Variants in GRIN2B observed in about 807,000 individuals in gnomAD.
The protein encoded by GRIN2B is glutamate receptor ionotropic, NMDA 2B.
Under a neutral mutation model 114.5 loss-of-function variants are expected in GRIN2B, and 5 were observed. The ratio of observed to expected loss-of-function variants is 0.04; its 90% CI spans 0.02 to 0.09. The LOEUF (loss-of-function observed/expected upper bound fraction) is 0.09, where lower values mean the gene tolerates loss of function less well. Among genes scored for constraint, GRIN2B ranks in the 10% least tolerant of loss-of-function variants. GRIN2B has a pLI of 1.00. For synonymous variants in GRIN2B, 787 were observed against 745.1 expected, an observed-to-expected ratio of 1.06 and a Z score of -0.92; for missense variants, 1,108 against 1,943.5, an observed-to-expected ratio of 0.57 and a Z score of 8.08.
At chr12:13,613,643 A>T (rs4764019) in intron 8 of GRIN2B, among the ~76,000 whole-genome samples, 7 of 152,072 alleles carry the variant, frequency 4.6e-5, no homozygotes, top group South Asian at 2.1e-4. Flanking sequence ...TTTTAATCCT[A>T]GAGCTGCCAG....
chr12:13,811,318 T>G (rs930905988), intron 3 of GRIN2B, among the ~76,000 whole-genome samples: 1 of 151,880 alleles, frequency 6.6e-6, no homozygotes. Context: ...CAGGTTTTGG[T>G]TTTTTTTGGT....
At chr12:13,874,376 G>C (rs751099026) in intron 2 of GRIN2B, among the ~76,000 whole-genome samples, 1 of 152,138 alleles carries the variant, frequency 6.6e-6, no homozygotes, top group Non-Finnish European at 1.5e-5. Context: ...ACTAATAAAG[G>C]ATTATAAATC....
intron 4 of GRIN2B, among the ~76,000 whole-genome samples, chr12:13,740,839 G>C (rs1006469343): frequency 5.9e-5 from 9 of 152,128 alleles, no homozygotes; most frequent in Non-Finnish European, 1.3e-4. Context: ...ATTAGGAAAA[G>C]GGAGGTATCA....
chr12:13,746,473 C>G (rs1254936476), intron 4 of GRIN2B, among the ~76,000 whole-genome samples: 1 of 152,132 alleles, frequency 6.6e-6, no homozygotes, highest in South Asian at 2.1e-4. Flanking sequence ...CTATTCCTTC[C>G]CATAGACCAT....
chr12:13,680,436 TTGTGTG>T (rs56755720), intron 4 of GRIN2B, among the ~76,000 whole-genome samples: 3,825 of 123,450 alleles, frequency 0.031, 72 homozygotes, highest in African/African-American at 0.051. Flanking sequence ...CCCATCAAGG[TTGTGTG>T]TGTGTGTGTG....
At chr12:13,886,669 C>T (rs1591603095) in intron 2 of GRIN2B, among the ~76,000 whole-genome samples, 1 of 152,158 alleles carries the variant, frequency 6.6e-6, no homozygotes, top group Admixed American at 6.5e-5. Flanking sequence ...CTGGTTCCTG[C>T]AGCCTGCCCA....
At chr12:13,681,359 G>C (rs756173283) in intron 4 of GRIN2B, among the ~76,000 whole-genome samples, 71 of 152,242 alleles carry the variant, frequency 4.7e-4, no homozygotes, top group Non-Finnish European at 8.5e-4. Flanking sequence ...CTAACCCCTA[G>C]TCCGGTGTTC....
intron 4 of GRIN2B, among the ~76,000 whole-genome samples, chr12:13,725,593 T>C (rs1310084400): frequency 6.6e-6 from 1 of 152,124 alleles, no homozygotes; most frequent in Non-Finnish European, 1.5e-5. Context: ...GCAGATCGGA[T>C]ACACAGACTC....
At chr12:13,821,157 C>T (rs1864927905) in intron 3 of GRIN2B, among the ~76,000 whole-genome samples, 2 of 152,038 alleles carry the variant, frequency 1.3e-5, no homozygotes. Flanking sequence ...TCTCTCTTCC[C>T]GCTCTGTCCC....
chr12:13,690,040 CTTT>C lies in GRIN2B; in HGVS notation c.1011-14184_1011-14182del, dbSNP rs539942471. On this transcript the variant is annotated intron_variant, in intron 4 of 13. Transcript: ENST00000609686. ...TTGTTCACTTGACTTGTTCTGTTCC[CTTT>C]TATTACTTAATTTTTTACTTGTCTG... Among the ~76,000 whole-genome samples, 315 of 152,166 alleles carry C rather than the reference CTTT, an allele frequency of 2.1e-3. 1 individual carries two copies. The highest frequency in any genetic ancestry group is 7.2e-3 in the African/African-American group (299 of 41,536).
At chr12:13,686,021 G>A (rs1950172011) in intron 4 of GRIN2B, among the ~76,000 whole-genome samples, 1 of 152,094 alleles carries the variant, frequency 6.6e-6, no homozygotes, top group Non-Finnish European at 1.5e-5. Flanking sequence ...AGCCAAATGT[G>A]TACATAATCA....
chr12:13,954,823 A>AAAAAAAAAAAAAAAC (rs1565599383), intron 2 of GRIN2B, among the ~76,000 whole-genome samples: 1 of 147,668 alleles, frequency 6.8e-6, no homozygotes, highest in African/African-American at 2.5e-5. Flanking sequence ...AAAAAAAAAA[A>AAAAAAAAAAAAAAAC]AAAAAACTTT....
chr12:13,780,873 A>G (rs1864099096), intron 3 of GRIN2B, among the ~76,000 whole-genome samples: 1 of 151,350 alleles, frequency 6.6e-6, no homozygotes, highest in African/African-American at 2.4e-5. Flanking sequence ...ATGTTTGCAT[A>G]GTTAAGTGGC....
intron 2 of GRIN2B, among the ~76,000 whole-genome samples, chr12:13,929,223 G>C (rs182069295): frequency 6.6e-6 from 1 of 152,092 alleles, no homozygotes; most frequent in Admixed American, 6.5e-5. Context: ...ATGGGAGACC[G>C]GCATGGGTTG....
At chr12:13,755,595 G>C (rs925237950) in intron 3 of GRIN2B, among the ~76,000 whole-genome samples, 1 of 152,124 alleles carries the variant, frequency 6.6e-6, no homozygotes, top group Non-Finnish European at 1.5e-5. Flanking sequence ...GTAGAAAAAA[G>C]GGAATGAATT....
chr12:13,945,622 C>G (rs1867350731), intron 2 of GRIN2B, among the ~76,000 whole-genome samples: 1 of 152,166 alleles, frequency 6.6e-6, no homozygotes. Context: ...GCACCAGTAC[C>G]TACCTGTGTG....
chr12:13,582,370 T>C (rs924160694), intron 10 of GRIN2B, among the ~76,000 whole-genome samples: 1 of 152,238 alleles, frequency 6.6e-6, no homozygotes, highest in African/African-American at 2.4e-5. Context: ...GCTACCGGTA[T>C]ATAGGAAAAT....
chr12:13,703,734 T>A (rs896187017), intron 4 of GRIN2B, among the ~76,000 whole-genome samples: 4 of 152,182 alleles, frequency 2.6e-5, no homozygotes, highest in African/African-American at 9.6e-5. Context: ...CATAGGCATA[T>A]CTTTGTGCAA....
intron 5 of GRIN2B, among the ~76,000 whole-genome samples, chr12:13,632,745 A>T (rs545237691): frequency 6.6e-6 from 1 of 152,224 alleles, no homozygotes; most frequent in African/African-American, 2.4e-5. Context: ...TTCCACGGGG[A>T]GGGAGGGTGT....
Sources: allele counts gnomAD v4.1 joint callset (sites outside exome capture counted in the v4.1 genomes callset), GRCh38; gene constraint gnomAD v4.1.1; transcripts MANE v1.5; gene names NCBI Gene and HGNC (gene_info 2026-07-23, HGNC 2026-07-21).